The following SORCS1 variants were observed in gnomAD, a reference collection of about 807,000 sequenced individuals.
SORCS1 encodes VPS10 domain-containing receptor SorCS1.
In SORCS1, 60 loss-of-function variants were observed where a neutral mutation model predicts 146.1. That is an observed-to-expected ratio of 0.41 (90% CI 0.33 to 0.51). The LOEUF (loss-of-function observed/expected upper bound fraction) is 0.51, where lower values mean the gene tolerates loss of function less well. Among genes scored for constraint, SORCS1 ranks in the 20% least tolerant of loss-of-function variants. SORCS1 has a pLI of 0.21. For missense variants in SORCS1, 1,352 were observed against 1,487.6 expected, an observed-to-expected ratio of 0.91 and a Z score of 1.50; for synonymous variants, 637 against 584.0, an observed-to-expected ratio of 1.09 and a Z score of -1.31.
intron 1 of SORCS1, among the ~76,000 whole-genome samples, chr10:107,031,909 T>C (rs1958674880): frequency 6.6e-6 from 1 of 152,202 alleles, no homozygotes; most frequent in African/African-American, 2.4e-5. Flanking sequence ...GTGTTTCTGC[T>C]TTCCAAAGCC....
At chr10:106,938,415 G>A (rs770191371) in intron 2 of SORCS1, among the ~76,000 whole-genome samples, 9 of 152,214 alleles carry the variant, frequency 5.9e-5, no homozygotes, top group Non-Finnish European at 8.8e-5. Flanking sequence ...TGGGGAACAT[G>A]GATGACTTAG....
rs1179597834 is a variant in SORCS1, at chr10:107,084,260, TA to T, written c.558+79708del. ...ATAGGTGCCCACCACCATACCCGGC[TA>T]ATTTTTTTTTTTTTTTTTGTATTTT... On this transcript the variant is annotated intron_variant, in intron 1 of 25. Transcript: ENST00000263054. 3.5e-3 allele frequency among the ~76,000 whole-genome samples: 516 copies of T among 145,686 alleles called. 6 individuals carry two copies. Among genetic ancestry groups the T allele is most frequent in the African/African-American group, 0.013 (502 of 37,692 alleles).
At chr10:107,134,056 G>A (rs12250368) in intron 1 of SORCS1, among the ~76,000 whole-genome samples, 1 of 152,116 alleles carries the variant, frequency 6.6e-6, no homozygotes, top group Non-Finnish European at 1.5e-5. Flanking sequence ...ATTACTACTA[G>A]TAGTAGTAGC....
intron 2 of SORCS1, among the ~76,000 whole-genome samples, chr10:106,911,839 GT>G (rs940001993): frequency 1.3e-5 from 2 of 152,188 alleles, no homozygotes; most frequent in Admixed American, 1.3e-4. Context: ...GGGACTGGGT[GT>G]GGTGGCTCAC....
At chr10:106,591,253 G>A (rs1845587895) in intron 24 of SORCS1, among the ~76,000 whole-genome samples, 3 of 152,038 alleles carry the variant, frequency 2.0e-5, no homozygotes, top group African/African-American at 7.2e-5. Context: ...TCTCTTTCTG[G>A]GACGTAGAAC....
chr10:106,981,293 G>A (rs1956237263), intron 1 of SORCS1, among the ~76,000 whole-genome samples: 1 of 152,170 alleles, frequency 6.6e-6, no homozygotes, highest in African/African-American at 2.4e-5. Context: ...CTGCCACCAG[G>A]AGTCTGTCCA....
Position 106,878,646 on chromosome 10 carries a change from A to ATATT in SORCS1, c.627-48977_627-48974dup, listed in dbSNP as rs1554871258. On this transcript the variant is annotated intron_variant, in intron 2 of 25. Transcript: ENST00000263054. ...TATATATATATATATATATATATAT[A>ATATT]TATTTTATAGCAGCCTGAATGGACT... Among the ~76,000 whole-genome samples, 39 of 117,890 alleles carry ATATT rather than the reference A, an allele frequency of 3.3e-4. 2 individuals are homozygous for ATATT. In the East Asian group the frequency reaches 3.4e-3, roughly 10 times the overall value. The allele number at this position is 117,890 out of a possible 152,430, so 77.3% of individuals were successfully genotyped here.
chr10:106,801,711 T>A (rs1946899903), intron 3 of SORCS1, among the ~76,000 whole-genome samples: 1 of 152,090 alleles, frequency 6.6e-6, no homozygotes, highest in South Asian at 2.1e-4. Flanking sequence ...TTTGTATTTT[T>A]ACTAGAGATG....
chr10:107,163,647 A>G (rs1422696283), intron 1 of SORCS1, among the ~76,000 whole-genome samples: 1 of 152,198 alleles, frequency 6.6e-6, no homozygotes, highest in African/African-American at 2.4e-5. Context: ...TCATCTCTGT[A>G]TTAGGAGAAC....
At chr10:106,973,534 AG>A (rs1955875087) in intron 1 of SORCS1, among the ~76,000 whole-genome samples, 1 of 152,192 alleles carries the variant, frequency 6.6e-6, no homozygotes, top group African/African-American at 2.4e-5. Flanking sequence ...TAAGACTGCA[AG>A]GGGGTCTTGT....
intron 4 of SORCS1, among the ~76,000 whole-genome samples, chr10:106,764,635 A>G (rs2136277793): frequency 6.6e-6 from 1 of 152,064 alleles, no homozygotes; most frequent in South Asian, 2.1e-4. Flanking sequence ...CCAAGCTTAG[A>G]GAAAGATAGA....
At chr10:106,806,157 C>T (rs1271743788) in intron 3 of SORCS1, among the ~76,000 whole-genome samples, 1 of 150,514 alleles carries the variant, frequency 6.6e-6, no homozygotes, top group African/African-American at 2.4e-5. Context: ...ATCACGAGGT[C>T]AAGAGATCGA....
intron 1 of SORCS1, among the ~76,000 whole-genome samples, chr10:107,004,132 C>T (rs374276586): frequency 2.1e-4 from 30 of 142,772 alleles, no homozygotes; most frequent in East Asian, 1.0e-3. Flanking sequence ...GCCGAGATTG[C>T]GCCACTGCAC....
intron 2 of SORCS1, among the ~76,000 whole-genome samples, chr10:106,900,641 C>T (rs1004395089): frequency 2.0e-5 from 3 of 152,168 alleles, no homozygotes; most frequent in African/African-American, 4.8e-5. Flanking sequence ...GGCTCCGTAA[C>T]GTTGGCTGAC....
chr10:106,732,455 A>T (rs1483261282), intron 5 of SORCS1, among the ~76,000 whole-genome samples: 3 of 152,228 alleles, frequency 2.0e-5, no homozygotes, highest in Non-Finnish European at 2.9e-5. Context: ...ATTAAAAAAG[A>T]AAATGAGCTG....
chr10:106,954,204 G>C (rs989113900), intron 2 of SORCS1, among the ~76,000 whole-genome samples: 1 of 152,164 alleles, frequency 6.6e-6, no homozygotes, highest in African/African-American at 2.4e-5. Flanking sequence ...CTCTGTCCCA[G>C]TGAGACAAAA....
chr10:106,858,481 G>A (rs538600665), intron 2 of SORCS1, among the ~76,000 whole-genome samples: 89 of 152,064 alleles, frequency 5.9e-4, no homozygotes, highest in Non-Finnish European at 1.0e-3. Context: ...TTAGCTGGGT[G>A]TGGTGGCAGG....
rs746599633 is a variant in SORCS1 at position 106,715,877 on chromosome 10, C to T, written c.1025-6536G>A. Among the ~76,000 whole-genome samples the T allele has an allele frequency of 5.2e-4, 79 of 152,098 alleles. 1 individual carries two copies. Among genetic ancestry groups the T allele is most frequent in the Non-Finnish European group, 1.6e-4 (11 of 68,014 alleles). On this transcript the variant is annotated intron_variant, in intron 6 of 25. Transcript: ENST00000263054. ...AAACAATTCTCCTGCCCCAGCCTCCCGAGTAGCTGGGACCACAGGCGCATG... is the reference window on the plus strand; with the variant it reads ...AAACAATTCTCCTGCCCCAGCCTCCTGAGTAGCTGGGACCACAGGCGCATG...
intron 1 of SORCS1, among the ~76,000 whole-genome samples, chr10:107,098,173 T>G (rs1342196895): frequency 6.6e-6 from 1 of 152,226 alleles, no homozygotes; most frequent in African/African-American, 2.4e-5. Context: ...ATATCCAGGT[T>G]GCCAAATATT....
Sources: gnomAD v4.1 joint callset for allele counts (sites outside exome capture counted in the v4.1 genomes callset) on GRCh38, gnomAD v4.1.1 for gene constraint, MANE v1.5 for transcripts, NCBI Gene and HGNC (gene_info 2026-07-23, HGNC 2026-07-21) for gene names.